Variants in DYSF observed in about 807,000 individuals in gnomAD.
The protein encoded by DYSF is dysferlin, also known as dystrophy-associated fer-1-like 1.
In DYSF, 212 loss-of-function variants were observed where a neutral mutation model predicts 274.9. The ratio of observed to expected loss-of-function variants is 0.77; its 90% CI spans 0.69 to 0.86. The LOEUF is 0.86. DYSF is among the 40% of genes least tolerant of loss of function. The pLI, the probability that DYSF is intolerant of heterozygous loss-of-function variation, is 0.00. For synonymous variants in DYSF, 1,091 were observed against 1,078.7 expected (o/e 1.01, Z -0.22); for missense variants, 2,666 against 2,783.2 (o/e 0.96, Z 0.95).
intron 2 of DYSF, 99 bp from the exon 3 acceptor site, chr2:71,481,780 A>T: frequency 1.1e-6 from 1 of 879,834 alleles, no homozygotes; most frequent in Non-Finnish European, 1.9e-6. Flanking sequence ...ATCATTCATG[A>T]ATGCCTACTC....
At chr2:71,459,300 A>G (rs1246334978) in intron 1 of DYSF, among the ~76,000 whole-genome samples, 1 of 152,214 alleles carries the variant, frequency 6.6e-6, no homozygotes, top group Non-Finnish European at 1.5e-5. Flanking sequence ...CATTAGGAGA[A>G]TGTGGCCAGA....
intron 3 of DYSF, among the ~76,000 whole-genome samples, chr2:71,499,984 C>T (rs146307704): frequency 1.8e-4 from 28 of 152,286 alleles, no homozygotes; most frequent in African/African-American, 6.7e-4. Flanking sequence ...ATCCTGTCTG[C>T]CACTTGCCAG....
intron 10 of DYSF, among the ~76,000 whole-genome samples, chr2:71,518,427 T>A (rs1455586228): frequency 2.0e-5 from 3 of 151,438 alleles, no homozygotes; most frequent in African/African-American, 7.3e-5. Flanking sequence ...TGGCAGTTTT[T>A]TTTTTTTTTT....
intron 31 of DYSF, 21 bp from the exon 32 acceptor site, chr2:71,590,190 C>T (rs760434238): frequency 9.3e-6 from 15 of 1,613,894 alleles, no homozygotes; most frequent in Non-Finnish European, 1.2e-5. Flanking sequence ...TCTGGCACCT[C>T]TGTTTTTTCC....
intron 3 of DYSF, among the ~76,000 whole-genome samples, chr2:71,485,796 A>G (rs67411809): frequency 0.083 from 12,585 of 152,218 alleles, 644 homozygotes; most frequent in Admixed American, 0.17. Flanking sequence ...AACTTCAGGG[A>G]ATCCAGTTCA....
chr2:71,515,263 A>G (rs1005339124), intron 7 of DYSF, among the ~76,000 whole-genome samples: 2 of 152,208 alleles, frequency 1.3e-5, no homozygotes, highest in African/African-American at 4.8e-5. Flanking sequence ...GGAATTGTCA[A>G]TAAAGAATAT....
chr2:71,471,970 A>G (rs183249267), intron 1 of DYSF, among the ~76,000 whole-genome samples: 1 of 152,172 alleles, frequency 6.6e-6, no homozygotes, highest in African/African-American at 2.4e-5. Context: ...AGTCTCAAAA[A>G]CATCAATTAA....
chr2:71,681,378 T>C (rs2095294622), intron 54 of DYSF, among the ~76,000 whole-genome samples: 1 of 152,236 alleles, frequency 6.6e-6, no homozygotes, highest in Non-Finnish European at 1.5e-5. Flanking sequence ...CATGTGTACA[T>C]TGTGCTATGG....
At position 71,656,229 on chromosome 2, in the gene DYSF, A is replaced by C. The variant is rs76086153; in HGVS notation, c.4694A>C (p.Lys1565Thr). 9.3e-5 allele frequency: 150 copies of C among 1,614,200 alleles called. 1 individual carries two copies. In the African/African-American group the frequency reaches 1.9e-3, roughly 20 times the overall value. ...CTGTCTGACTTTTGTAACACCTTCA[A>C]GCTGTACCGGGGCAAGACGCAGGAG... is the stretch of plus-strand genomic sequence containing the variant. ...EGLSDFCNTF[K>T]LYRGKTQEET... Residue 1565 changes from lysine to threonine, a missense_variant, in exon 43 of 56, where the codon AAG (lysine) becomes ACG (threonine). Lys to Thr is a moderately conservative substitution (Grantham distance 78). Transcript: ENST00000410020.
At chr2:71,560,883 C>T (rs149186753) in intron 22 of DYSF, among the ~76,000 whole-genome samples, 80 of 152,212 alleles carry the variant, frequency 5.3e-4, no homozygotes, top group African/African-American at 1.9e-3. Context: ...GGGCAGCCCC[C>T]ATACCCTCAG....
At chr2:71,550,566 T>C (rs961011084) in intron 17 of DYSF, among the ~76,000 whole-genome samples, 1 of 152,174 alleles carries the variant, frequency 6.6e-6, no homozygotes, top group Non-Finnish European at 1.5e-5. Flanking sequence ...TGGGACCTCT[T>C]AGCCCCTCCC....
chr2:71,613,959 A>T (rs1392226328), intron 40 of DYSF, among the ~76,000 whole-genome samples: 1 of 152,142 alleles, frequency 6.6e-6, no homozygotes, highest in East Asian at 1.9e-4. Flanking sequence ...GAGGGGCCTT[A>T]TTCTAAGGTC....
rs781449138 is a variant in DYSF, at chr2:71,602,805, G to C, written c.3957G>C (p.Glu1319Asp). 1 of 1,613,240 alleles carries C rather than the reference G, an allele frequency of 6.2e-7. No homozygotes were observed. The highest frequency in any genetic ancestry group is 1.1e-5 in the South Asian group (1 of 90,882). ...AGGAGACATCAAGGATCCTGGATGA[G>C]GTGAGCTGGGCGTGGTGGTTGGGAT... The part of the protein sequence containing the change: ...EVQETSRILD[E>D]SEDTDLPYPP... The change falls in exon 36 of 56, where the codon GAG (glutamate) becomes GAC (aspartate). Residue 1319 changes from glutamate to aspartate, a missense_variant and splice_region_variant. This residue lies in a region of DYSF where 1,460 missense variants were observed against 1,502.1 expected (regional missense o/e 0.97). Transcript: ENST00000410020.
At chr2:71,642,557 C>T (rs1176626131) in intron 41 of DYSF, among the ~76,000 whole-genome samples, 1 of 152,198 alleles carries the variant, frequency 6.6e-6, no homozygotes, top group African/African-American at 2.4e-5. Flanking sequence ...GTACGCTACC[C>T]CACCTGACCT....
intron 36 of DYSF, 100 bp from the exon 37 acceptor site, chr2:71,611,145 C>T (rs1056022765): frequency 3.2e-5 from 29 of 892,896 alleles, no homozygotes; most frequent in Non-Finnish European, 4.8e-5. Flanking sequence ...TTTCTCCCTG[C>T]ACTTGGCATT....
At chr2:71,474,912 A>G (rs1196841585) in intron 1 of DYSF, among the ~76,000 whole-genome samples, 1 of 152,216 alleles carries the variant, frequency 6.6e-6, no homozygotes, top group Admixed American at 6.5e-5. Flanking sequence ...TTACTCCTGT[A>G]GGTCACAGGA....
rs764010281 is a variant in DYSF at position 71,556,016 on chromosome 2, G to C, written c.2161G>C (p.Glu721Gln). The change falls in exon 22 of 56, where the codon GAG becomes CAG. Residue 721 changes from glutamate (E) to glutamine (Q), a missense_variant. Coordinates refer to ENST00000410020, the MANE Select transcript of DYSF (RefSeq NM_001130987.2). ...GGCCCTGAAGGCGCAGTGCTCCACG[G>C]AGGACGTGGACTCGCTGGTGGCTCA... Reference protein sequence around the residue: ...HLALKAQCSTEDVDSLVAQLT... With the variant: ...HLALKAQCSTQDVDSLVAQLT... 6.3e-7 allele frequency: 1 copy of C among 1,578,752 alleles called. No individual in the cohort carries two copies. Among genetic ancestry groups the C allele is most frequent in the Non-Finnish European group, 8.6e-7 (1 of 1,162,936 alleles).
chr2:71,575,767 G>A (rs2092680454), intron 30 of DYSF, among the ~76,000 whole-genome samples: 1 of 152,174 alleles, frequency 6.6e-6, no homozygotes, highest in Non-Finnish European at 1.5e-5. Context: ...ACTCAAAGGG[G>A]CTGAGAAGAA....
intron 22 of DYSF, among the ~76,000 whole-genome samples, 154 bp downstream of exon 22, chr2:71,556,225 C>G (rs925185763): frequency 6.6e-6 from 1 of 152,230 alleles, no homozygotes; most frequent in Non-Finnish European, 1.5e-5. Context: ...GGTGGTGGAG[C>G]CAGTGCAGGA....
Sources: allele counts gnomAD v4.1 joint callset (sites outside exome capture counted in the v4.1 genomes callset), GRCh38; gene constraint gnomAD v4.1.1; regional missense constraint gnomAD v4.1.1; transcripts MANE v1.5; gene names NCBI Gene and HGNC (gene_info 2026-07-23, HGNC 2026-07-21).